Variants in MPP4 observed in about 807,000 individuals in gnomAD.
MPP4 encodes MAGUK p55 subfamily member 4.
In MPP4, 91 loss-of-function variants were observed where a neutral mutation model predicts 98.3. The ratio of observed to expected loss-of-function variants is 0.93; its 90% confidence interval spans 0.78 to 1.10. The LOEUF (loss-of-function observed/expected upper bound fraction) is 1.10. MPP4 is among the 50% of genes least tolerant of loss of function. The pLI is 0.00. For missense variants in MPP4, 744 were observed against 792.9 expected (o/e 0.94, Z 0.74); for synonymous variants, 261 against 271.8 (o/e 0.96, Z 0.39).
chr2:201,677,138 A>T (rs563660987), intron 10 of MPP4, among the ~76,000 whole-genome samples: 3 of 151,350 alleles, frequency 2.0e-5, no homozygotes, highest in Non-Finnish European at 1.5e-5. Context: ...TGGTAGTCTG[A>T]TCTCTCTCTA....
chr2:201,650,909 G>C (rs957083519), intron 18 of MPP4: 5 of 985,248 alleles, frequency 5.1e-6, no homozygotes, highest in Non-Finnish European at 6.0e-6. Flanking sequence ...GTGCCAGGTT[G>C]TATAGAATAT....
At chr2:201,662,469 C>G (rs1688054911) in intron 14 of MPP4, among the ~76,000 whole-genome samples, 1 of 142,042 alleles carries the variant, frequency 7.0e-6, no homozygotes, top group Admixed American at 7.1e-5. Context: ...CCACTGCACT[C>G]CAGCCTGGGT....
At chr2:201,694,436 T>C (rs1035014825) in intron 1 of MPP4, among the ~76,000 whole-genome samples, 9 of 152,106 alleles carry the variant, frequency 5.9e-5, no homozygotes, top group African/African-American at 1.9e-4. Flanking sequence ...TAGTTCTTCA[T>C]AGAAGAACTA....
chr2:201,682,191 G>A (rs747406637), intron 8 of MPP4, among the ~76,000 whole-genome samples: 18 of 152,206 alleles, frequency 1.2e-4, no homozygotes, highest in Non-Finnish European at 2.4e-4. Context: ...GCTGGCACCA[G>A]GGGGTAGAAG....
At chr2:201,690,600 A>G (rs1350476244) in intron 3 of MPP4, among the ~76,000 whole-genome samples, 4 of 152,150 alleles carry the variant, frequency 2.6e-5, no homozygotes, top group Admixed American at 6.5e-5. Flanking sequence ...ACTGAAACCA[A>G]TGGGGATTTG....
chr2:201,672,015 G>A (rs1688356779), intron 11 of MPP4, among the ~76,000 whole-genome samples: 1 of 152,090 alleles, frequency 6.6e-6, no homozygotes, highest in Non-Finnish European at 1.5e-5. Context: ...ACATTCCTCA[G>A]CAAATGCAAA....
chr2:201,647,590 A>G, intron 21 of MPP4, 101 bp downstream of exon 21: 1 of 1,296,332 alleles, frequency 7.7e-7, no homozygotes, highest in East Asian at 2.3e-5. Flanking sequence ...AAAAAGGAGG[A>G]GGAGGACAAT....
intron 17 of MPP4, 57 bp from the exon 18 acceptor site, chr2:201,654,974 G>T: frequency 8.7e-7 from 1 of 1,152,552 alleles, no homozygotes; most frequent in Non-Finnish European, 1.2e-6. Flanking sequence ...ATAATTATGT[G>T]ATGGAATTAT....
At position 201,651,099 on chromosome 2, in the gene MPP4, A is replaced by G. The variant is rs75446875; in HGVS notation, c.1382-934T>C. On this transcript the variant is annotated intron_variant, in intron 18 of 21. Transcript: ENST00000409474. Reference sequence around the variant, plus strand: ...TAAAGCTAGTCCCTTAATCTATATTACCATTAGTTCCCCTTATTCATACAG... The same window carrying G: ...TAAAGCTAGTCCCTTAATCTATATTGCCATTAGTTCCCCTTATTCATACAG... 4,616 of 985,358 alleles carry G rather than the reference A, an allele frequency of 4.7e-3. 182 individuals carry two copies. In the African/African-American group the frequency reaches 0.071, roughly 15 times the overall value. 61.0% of individuals were successfully genotyped at this position (985,358 alleles called of 1,614,324 possible). A position where few individuals can be genotyped will look rare whatever the true frequency, so the allele number is the denominator to read the frequency against.
rs141592467 is a variant in MPP4, at chr2:201,656,348, G to A, written c.1150C>T (p.Arg384Cys). 212 of 1,552,268 alleles carry A rather than the reference G, an allele frequency of 1.4e-4. No individual in the cohort carries two copies. The African/African-American group carries it at 2.6e-3, about 19-fold the overall frequency. Residue 384 changes from arginine (R) to cysteine (C), a missense_variant, in exon 17 of 22, where the codon CGC becomes TGC. Arg to Cys is a radical substitution (Grantham distance 180). Coordinates refer to ENST00000409474, the MANE Select transcript of MPP4 (RefSeq NM_033066.3). Reference protein sequence around the residue: ...FFIAGFRRSMRLCRRKSHLSP... With the variant: ...FFIAGFRRSMCLCRRKSHLSP... ...AGGTGAGACTTCCTGCGACAAAGGC[G>A]CATGCTGCGGCGGAAGCCAGCTAGG...
chr2:201,694,145 G>C (rs1405811884), intron 1 of MPP4, 91 bp from the exon 2 acceptor site: 1 of 1,270,874 alleles, frequency 7.9e-7, no homozygotes, highest in African/African-American at 1.5e-5. Context: ...GTCTTCCCCT[G>C]TGGTGCCTAC....
chr2:201,646,896 T>C (rs1016393399), intron 21 of MPP4: 1 of 150,992 alleles, frequency 6.6e-6, no homozygotes, highest in Non-Finnish European at 1.5e-5. Flanking sequence ...CACTAAATAC[T>C]AACACTGAAC....
At chr2:201,663,499 C>T (rs978785232) in intron 14 of MPP4, among the ~76,000 whole-genome samples, 7 of 152,088 alleles carry the variant, frequency 4.6e-5, no homozygotes, top group African/African-American at 7.2e-5. Flanking sequence ...GAGAACCACT[C>T]GAGGCCTGGA....
At chr2:201,669,797 G>A (rs2105928069) in intron 11 of MPP4, 47 bp from the exon 12 acceptor site, 4 of 1,309,482 alleles carry the variant, frequency 3.1e-6, no homozygotes, top group Non-Finnish European at 4.0e-6. Context: ...AAAGAACACA[G>A]TATCTGTACT....
chr2:201,681,249 T>C (rs1688657644), intron 9 of MPP4, among the ~76,000 whole-genome samples: 1 of 152,192 alleles, frequency 6.6e-6, no homozygotes, highest in Admixed American at 6.5e-5. Context: ...TCTCTTAGCT[T>C]AGAGAAGTTT....
At chr2:201,650,265 T>C (rs1163494604) in intron 18 of MPP4, 100 bp from the exon 19 acceptor site, 5 of 1,456,928 alleles carry the variant, frequency 3.4e-6, no homozygotes, top group Middle Eastern at 4.8e-4. Context: ...AATAAATGAA[T>C]ATATAATCAA....
chr2:201,673,037 T>A (rs1688388840), intron 11 of MPP4, among the ~76,000 whole-genome samples: 1 of 152,188 alleles, frequency 6.6e-6, no homozygotes, highest in Non-Finnish European at 1.5e-5. Flanking sequence ...GTTGGCTTCA[T>A]CCCTGGGATG....
chr2:201,693,987 G>C lies in MPP4; in HGVS notation c.-33C>G. On this transcript the variant is annotated 5_prime_UTR_variant, in exon 2 of 22. Transcript: ENST00000409474. ...GCCGGAGCTTCTGAAAGGAATTCAG[G>C]ACTAGGAAGCGGGTCAATACACGGC... 1 of 1,613,834 alleles carries C rather than the reference G, an allele frequency of 6.2e-7. No homozygotes were observed. Among genetic ancestry groups the C allele is most frequent in the Non-Finnish European group, 8.5e-7 (1 of 1,179,800 alleles).
intron 5 of MPP4, among the ~76,000 whole-genome samples, chr2:201,686,802 T>C (rs1688850775): frequency 6.6e-6 from 1 of 152,252 alleles, no homozygotes; most frequent in African/African-American, 2.4e-5. Flanking sequence ...TTCTAATTTA[T>C]TGATAAATTG....
Sources: gnomAD v4.1 joint callset for allele counts (sites outside exome capture counted in the v4.1 genomes callset) on GRCh38, gnomAD v4.1.1 for gene constraint, MANE v1.5 for transcripts, NCBI Gene and HGNC (gene_info 2026-07-23, HGNC 2026-07-21) for gene names.